Variants in PLD5 observed in about 807,000 individuals in gnomAD.
PLD5 encodes the protein phospholipase D family member 5.
PLD5 carries 36 observed loss-of-function variants against 61.1 expected under a neutral mutation model. The observed-to-expected ratio is 0.59, with a 90% confidence interval of 0.45 to 0.78. The LOEUF is 0.78. Ranked by LOEUF, PLD5 falls within the 30% of genes least tolerant of loss-of-function variation. PLD5 has a pLI of 0.00. For missense variants in PLD5, 515 were observed against 644.4 expected (o/e 0.80, Z 2.17); for synonymous variants, 243 against 242.8 (o/e 1.00, Z -0.01).
intron 1 of PLD5, among the ~76,000 whole-genome samples, chr1:242,454,387 A>T (rs1402281955): frequency 6.6e-6 from 1 of 152,032 alleles, no homozygotes; most frequent in Non-Finnish European, 1.5e-5. Flanking sequence ...TCTAACAGTC[A>T]TAAAGCATGT....
chr1:242,261,662 T>C (rs1200351910), intron 4 of PLD5, among the ~76,000 whole-genome samples: 1 of 151,986 alleles, frequency 6.6e-6, no homozygotes, highest in Non-Finnish European at 1.5e-5. Context: ...AAAACAACAA[T>C]AACACTGGGC....
intron 1 of PLD5, chr1:242,365,769 G>A (rs536472787): frequency 8.4e-5 from 18 of 214,860 alleles, no homozygotes; most frequent in Admixed American, 7.1e-4. Context: ...AAAATTGGCA[G>A]AATGTCTAGG....
chr1:242,527,119 T>C (rs1444869974), upstream of PLD5, among the ~76,000 whole-genome samples: 241 of 15,756 alleles, frequency 0.015, no homozygotes, highest in African/African-American at 0.044. Flanking sequence ...TCCTTCTTTT[T>C]TTTTTTTTTT....
chr1:242,269,053 G>A (rs1284706238), intron 3 of PLD5, among the ~76,000 whole-genome samples: 3 of 152,094 alleles, frequency 2.0e-5, no homozygotes, highest in Admixed American at 2.0e-4. Context: ...ATGTTGGCCA[G>A]GCTGGTCTTG....
At position 242,291,788 on chromosome 1, in the gene PLD5, C is replaced by CA. The variant is rs543520760; in HGVS notation, c.327-3259dup. Among the ~76,000 whole-genome samples, 128 of 152,160 alleles carry CA rather than the reference C, an allele frequency of 8.4e-4. 1 individual carries two copies. The highest frequency in any genetic ancestry group is 2.9e-3 in the African/African-American group (122 of 41,512). ...TACCACTGCACTCCAGCCTGGGTGA[C>CA]AGAGCGAGACTCTGTCTCAAAAACA... On this transcript the variant is annotated intron_variant, in intron 2 of 9. Coordinates refer to ENST00000536534, the MANE Select transcript of PLD5 (RefSeq NM_001372062.1).
At chr1:242,494,257 G>A (rs1052558059) in intron 1 of PLD5, among the ~76,000 whole-genome samples, 12 of 151,876 alleles carry the variant, frequency 7.9e-5, no homozygotes, top group African/African-American at 1.5e-4. Flanking sequence ...CTGTCCTACC[G>A]CAGGCCCTAT....
In PLD5 at chr1:242,515,190, T is replaced by TTG. The variant is rs200487154; in HGVS notation, c.189+8896_189+8897dup. ...CTAGTTCCATGCTTCAGCTTTGCCTTTGTGTGTGCGTGTGTGTGTGTGTGT... is the reference window on the plus strand; with the variant it reads ...CTAGTTCCATGCTTCAGCTTTGCCTTTGTGTGTGTGCGTGTGTGTGTGTGTGT... On this transcript the variant is annotated intron_variant, in intron 1 of 9. Coordinates refer to ENST00000536534, the MANE Select transcript of PLD5 (RefSeq NM_001372062.1). 4.8e-3 allele frequency among the ~76,000 whole-genome samples: 718 copies of TTG among 150,864 alleles called. 6 individuals are homozygous for TTG. The highest frequency in any genetic ancestry group is 0.017 in the African/African-American group (696 of 40,858).
intron 2 of PLD5, among the ~76,000 whole-genome samples, chr1:242,290,556 G>C (rs1331746047): frequency 6.6e-6 from 1 of 152,068 alleles, no homozygotes; most frequent in African/African-American, 2.4e-5. Flanking sequence ...GTGTGTTTTA[G>C]GGAGCTAAGT....
intron 2 of PLD5, among the ~76,000 whole-genome samples, chr1:242,310,965 G>GT (rs1676663804): frequency 6.6e-6 from 1 of 152,092 alleles, no homozygotes; most frequent in South Asian, 2.1e-4. Context: ...ATAGGGCCAC[G>GT]TGTGTTTATT....
At chr1:242,500,009 C>T (rs1193129111) in intron 1 of PLD5, among the ~76,000 whole-genome samples, 1 of 152,168 alleles carries the variant, frequency 6.6e-6, no homozygotes, top group Admixed American at 6.5e-5. Context: ...GCTTGGACTT[C>T]CTTGCAGCCT....
intron 1 of PLD5, among the ~76,000 whole-genome samples, chr1:242,422,835 C>T (rs557649884): frequency 2.2e-5 from 3 of 135,794 alleles, no homozygotes; most frequent in Non-Finnish European, 3.0e-5. Context: ...GCAGATAAAC[C>T]GTATTTCTCT....
At chr1:242,148,527 T>G (rs1352176857) in intron 5 of PLD5, among the ~76,000 whole-genome samples, 1 of 151,912 alleles carries the variant, frequency 6.6e-6, no homozygotes, top group Non-Finnish European at 1.5e-5. Flanking sequence ...GTGAAAGTCC[T>G]GAGGGGATTT....
At chr1:242,466,535 G>A (rs764679745) in intron 1 of PLD5, among the ~76,000 whole-genome samples, 6 of 152,208 alleles carry the variant, frequency 3.9e-5, no homozygotes, top group East Asian at 1.9e-4. Context: ...GAACCTGTAC[G>A]ACATTAAGCT....
chr1:242,097,807 A>G (rs1232667066), intron 9 of PLD5, among the ~76,000 whole-genome samples: 3 of 152,218 alleles, frequency 2.0e-5, no homozygotes, highest in Admixed American at 1.3e-4. Context: ...TGTTTTAGAC[A>G]TGAAGTCCTT....
intron 1 of PLD5, among the ~76,000 whole-genome samples, chr1:242,381,329 A>G (rs1662263512): frequency 6.6e-6 from 1 of 152,178 alleles, no homozygotes; most frequent in African/African-American, 2.4e-5. Flanking sequence ...GTTCTCACTT[A>G]TAAGTGGGAG....
chr1:242,418,777 T>C (rs73133725), intron 1 of PLD5, among the ~76,000 whole-genome samples: 2 of 152,134 alleles, frequency 1.3e-5, no homozygotes, highest in Admixed American at 6.5e-5. Context: ...TACCCCATAG[T>C]GTGCTCCTTC....
intron 1 of PLD5, among the ~76,000 whole-genome samples, chr1:242,414,901 T>C (rs1235468954): frequency 6.6e-6 from 1 of 151,870 alleles, no homozygotes; most frequent in Non-Finnish European, 1.5e-5. Flanking sequence ...GTTGGTAAAA[T>C]AGAAAAGGAA....
intron 1 of PLD5, among the ~76,000 whole-genome samples, chr1:242,485,921 A>G (rs1467428112): frequency 6.6e-6 from 1 of 152,176 alleles, no homozygotes; most frequent in Non-Finnish European, 1.5e-5. Context: ...CATATCTACA[A>G]CTATCTGATC....
intron 1 of PLD5, among the ~76,000 whole-genome samples, chr1:242,469,887 C>G (rs1369008743): frequency 6.6e-6 from 1 of 152,166 alleles, no homozygotes; most frequent in East Asian, 1.9e-4. Flanking sequence ...GTCACAGTTG[C>G]TTCCCCAAAG....
Sources: gnomAD v4.1 joint callset for allele counts (sites outside exome capture counted in the v4.1 genomes callset) on GRCh38, gnomAD v4.1.1 for gene constraint, MANE v1.5 for transcripts, NCBI Gene and HGNC (gene_info 2026-07-23, HGNC 2026-07-21) for gene names.